HPGD: variants seen among roughly 807,000 people sequenced by gnomAD.
HPGD encodes the protein 15-hydroxyprostaglandin dehydrogenase [NAD(+)].
Under a neutral mutation model 30.0 loss-of-function variants are expected in HPGD, and 29 were observed. The observed-to-expected ratio is 0.97, with a 90% confidence interval of 0.72 to 1.32. The LOEUF (loss-of-function observed/expected upper bound fraction) is 1.32. Ranked by LOEUF, HPGD falls within the 40% of genes most tolerant of loss-of-function variation. The probability of loss-of-function intolerance (pLI) is 0.00; values close to 1 mark genes in which losing one functional copy is unlikely to be tolerated. For missense variants in HPGD, 340 were observed against 322.1 expected (o/e 1.06, Z -0.43); for synonymous variants, 99 against 112.4 (o/e 0.88, Z 0.75).
rs1734353369 is a variant in HPGD, at chr4:174,491,759, G to A, written c.*197C>T. 1.8e-6 allele frequency: 1 copy of A among 558,370 alleles called. No homozygotes were observed. Among genetic ancestry groups the A allele is most frequent in the East Asian group, 3.0e-5 (1 of 33,186 alleles). The allele number at this position is 558,370 out of a possible 1,614,324, so 34.6% of individuals were successfully genotyped here. A position where few individuals can be genotyped will look rare whatever the true frequency, so the allele number is the denominator to read the frequency against. The stretch of plus-strand genomic sequence containing the variant: ...TATCAAGATTACAACCTAGCCTTTG[G>A]TCCACATCACATTTTTAATAGTTCA... On this transcript the variant is annotated 3_prime_UTR_variant, in exon 7 of 7. Coordinates refer to ENST00000296522, the MANE Select transcript of HPGD (RefSeq NM_000860.6).
At chr4:174,506,889 A>C (rs900878618) in intron 4 of HPGD, 2 of 152,196 alleles carry the variant, frequency 1.3e-5, no homozygotes, top group Non-Finnish European at 2.9e-5. Flanking sequence ...CAGTGACATA[A>C]AGGCCAGGGG....
intron 4 of HPGD, among the ~76,000 whole-genome samples, chr4:174,497,564 C>CTTTTT (rs1560976871): frequency 1.4e-4 from 2 of 14,226 alleles, no homozygotes; most frequent in East Asian, 1.5e-3. Flanking sequence ...CTTTCTTTTT[C>CTTTTT]TTTCTTTTTT....
chr4:174,522,373 G>C lies in HPGD; in HGVS notation c.79C>G (p.Leu27Val). Residue 27 changes from leucine (L) to valine (V), a missense_variant, in exon 1 of 7, where the codon CTT (leucine) becomes GTT (valine). Physicochemically the swap from Leu to Val is conservative, Grantham distance 32. Coordinates refer to ENST00000296522, the MANE Select transcript of HPGD (RefSeq NM_000860.6). ...GCCGGGCTTACCTTGGCGCCCTTAA[G>C]CAGCAGCGCCTCTGCAAAGGCTCTG... ...IGRAFAEALLLKGAKVALVDW... is the reference protein window; with the variant it reads ...IGRAFAEALLVKGAKVALVDW... The C allele has an allele frequency of 6.4e-7, 1 of 1,569,312 alleles. No individual in the cohort carries two copies. The highest frequency in any genetic ancestry group is 8.6e-7 in the Non-Finnish European group (1 of 1,157,348).
intron 2 of HPGD, 77 bp downstream of exon 2, chr4:174,521,867 C>T: frequency 2.5e-6 from 4 of 1,576,228 alleles, no homozygotes; most frequent in Middle Eastern, 2.1e-4. Context: ...CACCCAGGGC[C>T]CCCTGGCCGG....
chr4:174,521,757 T>C (rs975528807), intron 2 of HPGD, among the ~76,000 whole-genome samples, 187 bp downstream of exon 2: 2 of 152,228 alleles, frequency 1.3e-5, no homozygotes, highest in African/African-American at 4.8e-5. Flanking sequence ...TTGCCTTTCT[T>C]TCGGTTTTAC....
chr4:174,491,837 G>A lies in HPGD; in HGVS notation c.*119C>T. ...AAATTTAGAAAACGTTTATCACCAA[G>A]TGCATGAAGGAAAACTTCAAACTGT... On this transcript the variant is annotated 3_prime_UTR_variant, in exon 7 of 7. Coordinates refer to ENST00000296522, the MANE Select transcript of HPGD (RefSeq NM_000860.6). 1.1e-6 allele frequency: 1 copy of A among 924,770 alleles called. No individual in the cohort carries two copies. Among genetic ancestry groups the A allele is most frequent in the South Asian group, 1.4e-5 (1 of 73,332 alleles). 57.3% of individuals were successfully genotyped at this position (924,770 alleles called of 1,614,324 possible). A position where few individuals can be genotyped will look rare whatever the true frequency, so the allele number is the denominator to read the frequency against.
At chr4:174,514,685 G>A (rs981323848) in intron 3 of HPGD, among the ~76,000 whole-genome samples, 4 of 152,030 alleles carry the variant, frequency 2.6e-5, no homozygotes, top group African/African-American at 9.7e-5. Context: ...GCAAGAGAAA[G>A]GAATAAAGGG....
rs1469061595 is a variant in HPGD at position 174,494,650 on chromosome 4, T to C, written c.498+898A>G. ...TTGTGCATCTGTTTTTTCTGTCTCC[T>C]ACTAATTCTTTGATTACTAATATTT... On this transcript the variant is annotated intron_variant, in intron 5 of 6. Coordinates refer to ENST00000296522, the MANE Select transcript of HPGD (RefSeq NM_000860.6). This position sits in a 1 kb window ranked among gnomAD's most constrained non-coding sequence, Gnocchi z 4.9. 6.6e-6 allele frequency among the ~76,000 whole-genome samples: 1 copy of C among 152,226 alleles called. No individual in the cohort carries two copies. The highest frequency in any genetic ancestry group is 1.9e-4 in the East Asian group (1 of 5,200).
chr4:174,522,278 T>G, intron 1 of HPGD, 81 bp downstream of exon 1: 1 of 1,427,244 alleles, frequency 7.0e-7, no homozygotes, highest in Non-Finnish European at 9.6e-7. Flanking sequence ...CCTCCCTGTC[T>G]CCGCCAGTGC....
rs778825547 is a variant in HPGD, at chr4:174,497,568, C to CTTTTTTTTTTTTTTTTTTTT, written c.422-1964_422-1945dup. On this transcript the variant is annotated intron_variant, in intron 4 of 6. Coordinates refer to ENST00000296522, the MANE Select transcript of HPGD (RefSeq NM_000860.6). ...CACTTTCTTTTCTTTCTTTTTCTTTCTTTTTTTTTTTTTTTTTTTTTTTTT... is the reference window on the plus strand; with the variant it reads ...CACTTTCTTTTCTTTCTTTTTCTTTCTTTTTTTTTTTTTTTTTTTTTTTTTTTTTTTTTTTTTTTTTTTTT... Among the ~76,000 whole-genome samples, 87 of 51,090 alleles carry CTTTTTTTTTTTTTTTTTTTT rather than the reference C, an allele frequency of 1.7e-3. 11 individuals carry two copies. The highest frequency in any genetic ancestry group is 2.3e-3 in the African/African-American group (34 of 14,964). The allele number at this position is 51,090 out of a possible 152,430, so 33.5% of individuals were successfully genotyped here. A position where few individuals can be genotyped will look rare whatever the true frequency, so the allele number is the denominator to read the frequency against.
intron 3 of HPGD, among the ~76,000 whole-genome samples, chr4:174,512,792 T>A (rs1195821713): frequency 6.6e-6 from 1 of 151,990 alleles, no homozygotes; most frequent in Non-Finnish European, 1.5e-5. Flanking sequence ...GTCAGCAGAG[T>A]CCCAAGAAAA....
chr4:174,493,548 A>G lies in HPGD; in HGVS notation c.499-234T>C, dbSNP rs531791947. 1.7e-3 allele frequency: 719 copies of G among 432,206 alleles called. 1 individual carries two copies. Among genetic ancestry groups the G allele is most frequent in the Non-Finnish European group, 2.5e-3 (598 of 236,634 alleles). 26.8% of individuals were successfully genotyped at this position (432,206 alleles called of 1,614,324 possible). ...TTTTTAAAAATCAGTATTACTGGAC[A>G]ACTCCTGGAAACAATTATGTAAGCT... On this transcript the variant is annotated intron_variant, in intron 5 of 6. Coordinates refer to ENST00000296522, the MANE Select transcript of HPGD (RefSeq NM_000860.6).
In HPGD at chr4:174,492,165, T is replaced by C; in HGVS notation, c.663-71A>G. ...ATTACCACTTCATTTTAAGTTATTTTCTGAAGAATCTATTAAGTTGAACAT... is the reference window on the plus strand; with the variant it reads ...ATTACCACTTCATTTTAAGTTATTTCCTGAAGAATCTATTAAGTTGAACAT... On this transcript the variant is annotated intron_variant, in intron 6 of 6. Coordinates refer to ENST00000296522, the MANE Select transcript of HPGD (RefSeq NM_000860.6). This position sits in a 1 kb window ranked among gnomAD's most constrained non-coding sequence, Gnocchi z 4.9. 5 of 1,389,978 alleles carry C rather than the reference T, an allele frequency of 3.6e-6. No homozygotes were observed. The highest frequency in any genetic ancestry group is 4.1e-6 in the Non-Finnish European group (4 of 985,010). The allele number at this position is 1,389,978 out of a possible 1,614,324, so 86.1% of individuals were successfully genotyped here.
At chr4:174,510,103 C>T (rs1735404623) in intron 3 of HPGD, among the ~76,000 whole-genome samples, 1 of 152,120 alleles carries the variant, frequency 6.6e-6, no homozygotes, top group African/African-American at 2.4e-5. Flanking sequence ...ATAGGTAATG[C>T]GTCTGAAACG....
chr4:174,499,694 T>C (rs1734809719), intron 4 of HPGD, among the ~76,000 whole-genome samples: 1 of 152,156 alleles, frequency 6.6e-6, no homozygotes, highest in Non-Finnish European at 1.5e-5. Context: ...CCTTGATCCC[T>C]TCCTCAGCAG....
chr4:174,522,475 C>A lies in HPGD; in HGVS notation c.-24G>T. 1 of 1,526,092 alleles carries A rather than the reference C, an allele frequency of 6.6e-7. No homozygotes were observed. The highest frequency in any genetic ancestry group is 8.8e-7 in the Non-Finnish European group (1 of 1,130,998). The allele number at this position is 1,526,092 out of a possible 1,614,324, so 94.5% of individuals were successfully genotyped here. On this transcript the variant is annotated 5_prime_UTR_variant, in exon 1 of 7. Coordinates refer to ENST00000296522, the MANE Select transcript of HPGD (RefSeq NM_000860.6). ...ATGGTGCAGCCACTGCTGGGGCGGG[C>A]GGTGGGCGAGCTCCGCGTCTCCGCG...
At position 174,522,380 on chromosome 4, in the gene HPGD, C is replaced by A. The variant is rs766922090; in HGVS notation, c.72G>T (p.Ala24=). The A allele has an allele frequency of 2.5e-6, 4 of 1,572,344 alleles. No individual in the cohort carries two copies. In the East Asian group the frequency reaches 9.4e-5, roughly 37 times the overall value. The part of the protein sequence containing the change: ...AQGIGRAFAE[A]LLLKGAKVAL... The stretch of plus-strand genomic sequence containing the variant: ...TTACCTTGGCGCCCTTAAGCAGCAG[C>A]GCCTCTGCAAAGGCTCTGCCTATGC... The change falls in exon 1 of 7, where the codon GCG becomes GCT. Residue 24 remains alanine, a synonymous_variant. Coordinates refer to ENST00000296522, the MANE Select transcript of HPGD (RefSeq NM_000860.6).
At chr4:174,522,245 C>A (rs1044107620) in intron 1 of HPGD, 114 bp downstream of exon 1, 11 of 1,384,988 alleles carry the variant, frequency 7.9e-6, no homozygotes, top group African/African-American at 1.4e-5. Context: ...TTGGAAGTGG[C>A]AAAGTGGGCA....
intron 3 of HPGD, among the ~76,000 whole-genome samples, chr4:174,513,868 T>C (rs2110855608): frequency 6.6e-6 from 1 of 152,098 alleles, no homozygotes; most frequent in Non-Finnish European, 1.5e-5. Context: ...AATCAATAAA[T>C]TGCAATCATT....
Sources: allele counts gnomAD v4.1 joint callset (sites outside exome capture counted in the v4.1 genomes callset), GRCh38; gene constraint gnomAD v4.1.1; non-coding constraint Gnocchi (gnomAD v3.1); transcripts MANE v1.5; gene names NCBI Gene and HGNC (gene_info 2026-07-23, HGNC 2026-07-21).